Variants in TMEM273 observed in about 807,000 individuals in gnomAD.
TMEM273 encodes chromosome 10 open reading frame 128.
Under a neutral mutation model 17.9 loss-of-function variants are expected in TMEM273, and 19 were observed. That is an observed-to-expected ratio of 1.06 (90% confidence interval 0.74 to 1.55). The LOEUF is 1.55. TMEM273 is among the 40% of genes most tolerant of loss of function. The probability of loss-of-function intolerance (pLI) is 0.00; values close to 1 mark genes in which losing one functional copy is unlikely to be tolerated. For missense variants in TMEM273, 194 were observed against 155.6 expected (o/e 1.25, Z -1.31); for synonymous variants, 66 against 62.0 (o/e 1.07, Z -0.31).
intron 1 of TMEM273, among the ~76,000 whole-genome samples, chr10:49,175,161 G>C (rs560065247): frequency 6.6e-6 from 1 of 152,258 alleles, no homozygotes; most frequent in African/African-American, 2.4e-5. Context: ...AGGAGGTACA[G>C]AGGGCTTGAG....
Position 49,166,916 on chromosome 10 carries a change from A to G in TMEM273, c.191T>C (p.Phe64Ser). ...LKICMIRRHL[F>S]DDDSSDLKST... is the part of the protein sequence containing the mutation. ...TTTCAGGTCGGAAGAGTCGTCGTCA[A>G]ATAAGTGCCTCCTGATCATGCAGAT... Residue 64 changes from phenylalanine to serine, a missense_variant, in exon 3 of 7, where the codon TTT becomes TCT. By Grantham distance (155) the Phe-to-Ser change is radical (BLOSUM62 -2). Transcript: ENST00000374153. 1 of 1,614,106 alleles carries G rather than the reference A, an allele frequency of 6.2e-7. No homozygotes were observed. Among genetic ancestry groups the G allele is most frequent in the Non-Finnish European group, 8.5e-7 (1 of 1,180,030 alleles).
At chr10:49,169,915 C>T (rs1275468071) in intron 1 of TMEM273, among the ~76,000 whole-genome samples, 2 of 152,216 alleles carry the variant, frequency 1.3e-5, no homozygotes, top group Non-Finnish European at 2.9e-5. Flanking sequence ...TCTGCCTTTA[C>T]TGGGCAGAAG....
At chr10:49,162,698 G>T (rs1359353962) in intron 5 of TMEM273, among the ~76,000 whole-genome samples, 2 of 152,146 alleles carry the variant, frequency 1.3e-5, no homozygotes, top group African/African-American at 4.8e-5. Context: ...GGGTACCTAA[G>T]CACCCAGCAG....
intron 1 of TMEM273, among the ~76,000 whole-genome samples, chr10:49,181,069 A>T (rs771419908): frequency 4.5e-4 from 69 of 152,248 alleles, no homozygotes; most frequent in Admixed American, 7.8e-4. Context: ...GAATACAATA[A>T]GATTAACATA....
At chr10:49,185,099 A>G (rs562524698) in intron 1 of TMEM273, among the ~76,000 whole-genome samples, 4 of 152,208 alleles carry the variant, frequency 2.6e-5, no homozygotes, top group Admixed American at 1.3e-4. Context: ...AAGAGAGCCA[A>G]ACTCCACCTC....
chr10:49,170,342 T>G (rs1846477093), intron 1 of TMEM273, among the ~76,000 whole-genome samples: 1 of 152,122 alleles, frequency 6.6e-6, no homozygotes, highest in Admixed American at 6.5e-5. Flanking sequence ...GCATCCTTCC[T>G]CATTGACTTC....
chr10:49,182,097 C>T (rs1847383276), intron 1 of TMEM273, among the ~76,000 whole-genome samples: 1 of 152,212 alleles, frequency 6.6e-6, no homozygotes, highest in Non-Finnish European at 1.5e-5. Flanking sequence ...TCAGCCTCTT[C>T]CTTGACCTTC....
intron 1 of TMEM273, among the ~76,000 whole-genome samples, chr10:49,175,651 G>T (rs1846903631): frequency 6.6e-6 from 1 of 152,272 alleles, no homozygotes; most frequent in South Asian, 2.1e-4. Context: ...TAATGGAGGG[G>T]TGGAGGCGGA....
chr10:49,187,689 TC>T (rs1302038214), intron 1 of TMEM273, among the ~76,000 whole-genome samples: 1 of 152,194 alleles, frequency 6.6e-6, no homozygotes, highest in African/African-American at 2.4e-5. Flanking sequence ...TATATTTCTC[TC>T]CTCCATTTGG....
chr10:49,182,946 A>G (rs545860334), intron 1 of TMEM273, among the ~76,000 whole-genome samples: 1 of 152,202 alleles, frequency 6.6e-6, no homozygotes. Flanking sequence ...ACCAGGGGCT[A>G]TCAGGCAAAC....
chr10:49,185,909 T>C (rs1231366882), intron 1 of TMEM273, among the ~76,000 whole-genome samples: 3 of 150,402 alleles, frequency 2.0e-5, no homozygotes, highest in African/African-American at 7.4e-5. Flanking sequence ...ACCCAGGAGG[T>C]GGAGGTTGCG....
chr10:49,175,990 C>T (rs1342832789), intron 1 of TMEM273, among the ~76,000 whole-genome samples: 1 of 152,200 alleles, frequency 6.6e-6, no homozygotes. Context: ...CACCATGACT[C>T]CCATGGTGGG....
At position 49,166,952 on chromosome 10, in the gene TMEM273, A is replaced by G; in HGVS notation, c.155T>C (p.Leu52Pro). 6.2e-7 allele frequency: 1 copy of G among 1,614,156 alleles called. No homozygotes were observed. The highest frequency in any genetic ancestry group is 2.2e-5 in the East Asian group (1 of 44,868). Reference sequence around the variant, plus strand: ...CCTGATCATGCAGATCTTCAGGGCCAGGAAGCCAGCAGATATGGCGACACC... The same window carrying G: ...CCTGATCATGCAGATCTTCAGGGCCGGGAAGCCAGCAGATATGGCGACACC... Reference protein sequence around the residue: ...AVGVAISAGFLALKICMIRRH... With the variant: ...AVGVAISAGFPALKICMIRRH... The change falls in exon 3 of 7, where the codon CTG (leucine) becomes CCG (proline). Residue 52 changes from leucine (L) to proline (P), a missense_variant. Leu to Pro is a moderately conservative substitution (Grantham distance 98). Transcript: ENST00000374153.
chr10:49,164,730 C>A lies in TMEM273; in HGVS notation c.348+475G>T, dbSNP rs146884765. On this transcript the variant is annotated intron_variant, in intron 5 of 6. Coordinates refer to ENST00000374153, the MANE Select transcript of TMEM273 (RefSeq NM_001288740.3). ...TCTGCATTCATGAGCTTCTCTTAGTCCTTCCGCACGTAGCCTGAGGCTCCC... is the reference window on the plus strand; with the variant it reads ...TCTGCATTCATGAGCTTCTCTTAGTACTTCCGCACGTAGCCTGAGGCTCCC... Among the ~76,000 whole-genome samples, 1,500 of 152,284 alleles carry A rather than the reference C, an allele frequency of 9.9e-3. 54 individuals carry two copies. In the South Asian group the frequency reaches 0.12, roughly 12 times the overall value.
At position 49,188,263 on chromosome 10, in the gene TMEM273, C is replaced by G. The variant is rs181582153; in HGVS notation, c.43+31G>C. On this transcript the variant is annotated intron_variant, in intron 1 of 6. Coordinates refer to ENST00000374153, the MANE Select transcript of TMEM273 (RefSeq NM_001288740.3). ...AGTTTCCTGCCCACTGAGGCTCCCC[C>G]GGGCCAGAGACCCCCGCAGTCCCCA... 50 of 1,613,152 alleles carry G rather than the reference C, an allele frequency of 3.1e-5. 1 individual carries two copies. Among genetic ancestry groups the G allele is most frequent in the Admixed American group, 5.0e-5 (3 of 59,954 alleles).
chr10:49,163,079 C>A (rs536774200), intron 5 of TMEM273, among the ~76,000 whole-genome samples: 2 of 152,220 alleles, frequency 1.3e-5, no homozygotes, highest in East Asian at 3.9e-4. Context: ...ATTGTGCCAA[C>A]CCCCCTAGGG....
At chr10:49,179,247 G>A (rs2132258744) in intron 1 of TMEM273, among the ~76,000 whole-genome samples, 1 of 152,382 alleles carries the variant, frequency 6.6e-6, no homozygotes, top group Middle Eastern at 3.4e-3. Flanking sequence ...AGTGGAGATA[G>A]TTTAATTTGG....
At chr10:49,178,073 T>C in intron 1 of TMEM273, 2 of 414,190 alleles carry the variant, frequency 4.8e-6, no homozygotes, top group Non-Finnish European at 9.8e-6. Context: ...CTCCAACCCA[T>C]CTGGGGCACT....
At chr10:49,180,475 A>AC (rs1329316194) in intron 1 of TMEM273, among the ~76,000 whole-genome samples, 9 of 152,028 alleles carry the variant, frequency 5.9e-5, no homozygotes, top group African/African-American at 1.9e-4. Flanking sequence ...GTCAGGCTCC[A>AC]CCCCCCTAGC....
Sources: allele counts gnomAD v4.1 joint callset (sites outside exome capture counted in the v4.1 genomes callset), GRCh38; gene constraint gnomAD v4.1.1; transcripts MANE v1.5; gene names NCBI Gene and HGNC (gene_info 2026-07-23, HGNC 2026-07-21).